ZEB1: variants seen among roughly 807,000 people sequenced by gnomAD.
ZEB1 encodes zinc finger E-box-binding homeobox 1.
ZEB1 carries 21 observed loss-of-function variants against 84.9 expected under a neutral mutation model. The ratio of observed to expected loss-of-function variants is 0.25; its 90% CI spans 0.18 to 0.36. The LOEUF is 0.36. Among genes scored for constraint, ZEB1 ranks in the 10% least tolerant of loss-of-function variants. The pLI, the probability that ZEB1 is intolerant of heterozygous loss-of-function variation, is 1.00. For synonymous variants in ZEB1, 420 were observed against 471.1 expected (o/e 0.89, Z 1.41); for missense variants, 1,104 against 1,330.2 (o/e 0.83, Z 2.65).
chr10:31,396,243 G>GTGC (rs1389706010), intron 1 of ZEB1, among the ~76,000 whole-genome samples: 3 of 152,032 alleles, frequency 2.0e-5, no homozygotes, highest in Non-Finnish European at 2.9e-5. Context: ...ATGTATAATA[G>GTGC]TGCTATAGCC....
intron 1 of ZEB1, among the ~76,000 whole-genome samples, chr10:31,324,809 G>A (rs535603303): frequency 4.6e-5 from 7 of 152,152 alleles, no homozygotes; most frequent in Admixed American, 2.6e-4. Flanking sequence ...AAGGGTAGAT[G>A]TTGTACATAT....
At chr10:31,509,250 C>T (rs1050655870) in intron 4 of ZEB1, among the ~76,000 whole-genome samples, 1 of 152,164 alleles carries the variant, frequency 6.6e-6, no homozygotes, top group Non-Finnish European at 1.5e-5. Context: ...GTGGTCTCCA[C>T]ATACCTCCCT....
At chr10:31,423,729 A>AACTTCAGG (rs2056541725) in intron 1 of ZEB1, among the ~76,000 whole-genome samples, 1 of 152,088 alleles carries the variant, frequency 6.6e-6, no homozygotes, top group South Asian at 2.1e-4. Context: ...TCATCCAGAA[A>AACTTCAGG]ACTTCAGGGT....
intron 2 of ZEB1, among the ~76,000 whole-genome samples, chr10:31,466,148 G>A: frequency 6.6e-6 from 1 of 152,040 alleles, no homozygotes; most frequent in East Asian, 1.9e-4. Context: ...ATAACTGAAG[G>A]GAGAAATAGA....
intron 2 of ZEB1, among the ~76,000 whole-genome samples, chr10:31,473,947 C>T (rs1209821113): frequency 6.6e-6 from 1 of 151,932 alleles, no homozygotes; most frequent in East Asian, 1.9e-4. Flanking sequence ...CTGAGAAAAA[C>T]AAGCAATGGG....
At chr10:31,364,314 G>GGGCCGGCCAAAACAGGGCCAC (rs2044013247) in intron 1 of ZEB1, among the ~76,000 whole-genome samples, 1 of 152,212 alleles carries the variant, frequency 6.6e-6, no homozygotes, top group Non-Finnish European at 1.5e-5. Context: ...CTGGGGGCAA[G>GGGCCGGCCAAAACAGGGCCAC]TGTGTGGCCC....
chr10:31,365,512 G>A (rs2044291952), intron 1 of ZEB1, among the ~76,000 whole-genome samples: 1 of 152,128 alleles, frequency 6.6e-6, no homozygotes, highest in South Asian at 2.1e-4. Context: ...TTTTATAACT[G>A]TACATACCTT....
intron 1 of ZEB1, among the ~76,000 whole-genome samples, chr10:31,394,007 T>C (rs902935282): frequency 5.3e-5 from 8 of 151,872 alleles, no homozygotes; most frequent in Non-Finnish European, 1.0e-4. Context: ...GAGAATAGAG[T>C]GGTAAACAAA....
intron 1 of ZEB1, among the ~76,000 whole-genome samples, chr10:31,327,106 T>C (rs1264374774): frequency 9.8e-5 from 14 of 143,000 alleles, no homozygotes; most frequent in South Asian, 4.5e-4. Context: ...TTTCTTTTTT[T>C]TTTTTTTTTT....
chr10:31,474,238 T>C (rs1413443575), intron 2 of ZEB1, among the ~76,000 whole-genome samples: 21 of 151,630 alleles, frequency 1.4e-4, no homozygotes, highest in African/African-American at 4.1e-4. Flanking sequence ...AGAGCTTCTG[T>C]ACAGCAAAGG....
At chr10:31,347,149 T>G (rs1027331391) in intron 1 of ZEB1, among the ~76,000 whole-genome samples, 1 of 152,184 alleles carries the variant, frequency 6.6e-6, no homozygotes, top group Admixed American at 6.5e-5. Flanking sequence ...GGCAGGTTTT[T>G]CTTCCCTATG....
intron 1 of ZEB1, among the ~76,000 whole-genome samples, chr10:31,407,519 A>C (rs1476468244): frequency 5.3e-5 from 8 of 151,818 alleles, no homozygotes; most frequent in African/African-American, 1.7e-4. Flanking sequence ...GGTTGGTTCC[A>C]AGTCTTTGCT....
At chr10:31,426,701 C>CT (rs1333834692) in intron 1 of ZEB1, among the ~76,000 whole-genome samples, 1 of 152,100 alleles carries the variant, frequency 6.6e-6, no homozygotes, top group African/African-American at 2.4e-5. Context: ...GCCTTTACAA[C>CT]AGAAATCTCT....
chr10:31,467,930 A>G (rs2062648968), intron 2 of ZEB1, among the ~76,000 whole-genome samples: 1 of 152,132 alleles, frequency 6.6e-6, no homozygotes, highest in Non-Finnish European at 1.5e-5. Flanking sequence ...GATTTGCATA[A>G]CTAATTGGGC....
At chr10:31,374,953 A>G (rs991794003) in intron 1 of ZEB1, 1 of 151,634 alleles carries the variant, frequency 6.6e-6, no homozygotes, top group Non-Finnish European at 1.5e-5. Context: ...TTACATGCAG[A>G]CATTTTTAAA....
At chr10:31,509,775 T>C (rs2069641211) in intron 4 of ZEB1, among the ~76,000 whole-genome samples, 1 of 152,188 alleles carries the variant, frequency 6.6e-6, no homozygotes, top group Non-Finnish European at 1.5e-5. Flanking sequence ...CAAAAAGATA[T>C]CACTTAATTT....
At chr10:31,398,344 G>A (rs918842965) in intron 1 of ZEB1, among the ~76,000 whole-genome samples, 1 of 151,708 alleles carries the variant, frequency 6.6e-6, no homozygotes, top group African/African-American at 2.4e-5. Context: ...TAATATTATT[G>A]TATGAGATAC....
chr10:31,413,172 A>G (rs934688035), intron 1 of ZEB1, among the ~76,000 whole-genome samples: 2 of 152,210 alleles, frequency 1.3e-5, no homozygotes, highest in South Asian at 4.1e-4. Flanking sequence ...TAAATATAAT[A>G]TCTGTTCACC....
chr10:31,383,965 CTTTTTTTTT>C (rs66865546), intron 1 of ZEB1, among the ~76,000 whole-genome samples: 1 of 56,374 alleles, frequency 1.8e-5, no homozygotes, highest in African/African-American at 7.2e-5. Context: ...TAGATTAGTG[CTTTTTTTTT>C]TTTTTTTTTT....
Sources: allele counts gnomAD v4.1 joint callset (sites outside exome capture counted in the v4.1 genomes callset), GRCh38; gene constraint gnomAD v4.1.1; transcripts MANE v1.5; gene names NCBI Gene and HGNC (gene_info 2026-07-23, HGNC 2026-07-21).